The following UBTD2 variants were observed in gnomAD, a reference collection of about 807,000 sequenced individuals.
The protein encoded by UBTD2 is ubiquitin domain containing 2.
A neutral mutation model predicts 19.8 loss-of-function variants in UBTD2; 9 were observed. That is an observed-to-expected ratio of 0.46 (90% CI 0.27 to 0.79). UBTD2 has a LOEUF of 0.79. Ranked by LOEUF, UBTD2 falls within the 30% of genes least tolerant of loss-of-function variation. UBTD2 has a pLI of 0.14. For synonymous variants in UBTD2, 98 were observed against 103.9 expected, an observed-to-expected ratio of 0.94 and a Z score of 0.35; for missense variants, 250 against 300.4, an observed-to-expected ratio of 0.83 and a Z score of 1.24.
intron 1 of UBTD2, among the ~76,000 whole-genome samples, chr5:172,240,936 A>C (rs888145920): frequency 6.6e-6 from 1 of 152,194 alleles, no homozygotes; most frequent in African/African-American, 2.4e-5. Context: ...AAATACATAT[A>C]TATAAATAAA....
chr5:172,261,766 AGGCATGC>A (rs2113098706), intron 1 of UBTD2, among the ~76,000 whole-genome samples: 1 of 152,244 alleles, frequency 6.6e-6, no homozygotes, highest in African/African-American at 2.4e-5. Flanking sequence ...CTGGGATTAC[AGGCATGC>A]GCCTCCACAT....
rs937377870 is a variant in UBTD2, at chr5:172,211,756, C to T, written c.*74G>A. On this transcript the variant is annotated 3_prime_UTR_variant, in exon 3 of 3. Coordinates refer to ENST00000393792, the MANE Select transcript of UBTD2 (RefSeq NM_152277.3). ...TAGAGCAGTGAAATAGATTTCACGC[C>T]GCAGAGTAGGAAATGACAACAAGAA... 1.8e-5 allele frequency: 26 copies of T among 1,458,666 alleles called. No individual in the cohort carries two copies. The highest frequency in any genetic ancestry group is 2.2e-4 in the Middle Eastern group (1 of 4,476). The allele number at this position is 1,458,666 out of a possible 1,614,324, so 90.4% of individuals were successfully genotyped here.
At chr5:172,216,735 A>G (rs1771551607) in intron 2 of UBTD2, among the ~76,000 whole-genome samples, 1 of 151,648 alleles carries the variant, frequency 6.6e-6, no homozygotes, top group African/African-American at 2.4e-5. Context: ...ATGGGCAGAT[A>G]GCTTGAGATA....
In UBTD2 at chr5:172,266,869, C is replaced by G. The variant is rs557681139; in HGVS notation, c.70+16727G>C. Among the ~76,000 whole-genome samples, 3 of 152,058 alleles carry G rather than the reference C, an allele frequency of 2.0e-5. No homozygotes were observed. In the East Asian group the frequency reaches 5.8e-4, roughly 29 times the overall value. ...CCTGGGCAACAAAACAAGACACCAT[C>G]TATACAAAAAAAATTTAGAGATCAG... On this transcript the variant is annotated intron_variant, in intron 1 of 2. Coordinates refer to ENST00000393792, the MANE Select transcript of UBTD2 (RefSeq NM_152277.3).
chr5:172,277,547 A>T (rs1274125813), intron 1 of UBTD2, among the ~76,000 whole-genome samples: 1 of 152,008 alleles, frequency 6.6e-6, no homozygotes, highest in African/African-American at 2.4e-5. Context: ...TCTCTACAAA[A>T]ATTTAAAAAT....
chr5:172,266,375 A>C (rs1202250144), intron 1 of UBTD2, among the ~76,000 whole-genome samples: 2 of 152,204 alleles, frequency 1.3e-5, no homozygotes, highest in Non-Finnish European at 2.9e-5. Context: ...CTTCATAAGC[A>C]ACAGTCAGAT....
intron 1 of UBTD2, among the ~76,000 whole-genome samples, chr5:172,272,538 TA>T (rs1421191848): frequency 6.6e-6 from 1 of 152,214 alleles, no homozygotes; most frequent in East Asian, 1.9e-4. Context: ...CATGTCCGGT[TA>T]ATTTGATTAT....
chr5:172,265,584 C>T (rs920134684), intron 1 of UBTD2, among the ~76,000 whole-genome samples: 1 of 152,184 alleles, frequency 6.6e-6, no homozygotes, highest in African/African-American at 2.4e-5. Flanking sequence ...CCGCCTCGGC[C>T]TCCCAAAGTG....
rs934910735 is a variant in UBTD2 at position 172,283,041 on chromosome 5, C to T, written c.70+555G>A. ...CCACCCCTCCTTAATACAATGCCTG[C>T]GGCCACTGGAGACTCCTCCAGCCGA... On this transcript the variant is annotated intron_variant, in intron 1 of 2. Transcript: ENST00000393792. This position sits in a 1 kb window ranked among gnomAD's most constrained non-coding sequence, Gnocchi z 4.3. 4.6e-5 allele frequency among the ~76,000 whole-genome samples: 7 copies of T among 152,112 alleles called. No individual in the cohort carries two copies. The highest frequency in any genetic ancestry group is 4.6e-4 in the Admixed American group (7 of 15,268).
At chr5:172,277,682 G>T (rs976169098) in intron 1 of UBTD2, among the ~76,000 whole-genome samples, 1 of 151,780 alleles carries the variant, frequency 6.6e-6, no homozygotes, top group African/African-American at 2.4e-5. Flanking sequence ...CTCCATCATG[G>T]GTAACAGAGC....
intron 1 of UBTD2, among the ~76,000 whole-genome samples, chr5:172,261,094 C>G (rs898118779): frequency 6.6e-6 from 1 of 152,182 alleles, no homozygotes; most frequent in Non-Finnish European, 1.5e-5. Context: ...TAATGAAACT[C>G]TGTATTACAG....
Position 172,276,165 on chromosome 5 carries a change from G to A in UBTD2, c.70+7431C>T, listed in dbSNP as rs79976767. Among the ~76,000 whole-genome samples, 654 of 152,278 alleles carry A rather than the reference G, an allele frequency of 4.3e-3. 7 individuals carry two copies. Among genetic ancestry groups the A allele is most frequent in the African/African-American group, 0.015 (606 of 41,568 alleles). On this transcript the variant is annotated intron_variant, in intron 1 of 2. Coordinates refer to ENST00000393792, the MANE Select transcript of UBTD2 (RefSeq NM_152277.3). The stretch of plus-strand genomic sequence containing the variant: ...TGCTGCTCCAGAGACAAAACTTTCT[G>A]AGCAGCAAAATACTAGACTGTAAAT...
chr5:172,274,135 C>CTTTTTTTTTTTTTT (rs555392614), intron 1 of UBTD2, among the ~76,000 whole-genome samples: 3 of 108,648 alleles, frequency 2.8e-5, no homozygotes, highest in Non-Finnish European at 5.4e-5. Flanking sequence ...TTTTGCTTTA[C>CTTTTTTTTTTTTTT]TTTTTTTTTT....
In UBTD2 at chr5:172,280,882, T is replaced by C. The variant is rs190173311; in HGVS notation, c.70+2714A>G. Among the ~76,000 whole-genome samples the C allele has an allele frequency of 9.8e-5, 15 of 152,322 alleles. No individual in the cohort carries two copies. The East Asian group carries it at 2.9e-3, about 29-fold the overall frequency. ...AGAATACACCTAATAAGGAAGGTTT[T>C]ATTGATATACACATAATTACTTGCA... On this transcript the variant is annotated intron_variant, in intron 1 of 2. Transcript: ENST00000393792.
chr5:172,214,075 G>A (rs1481115398), intron 2 of UBTD2, among the ~76,000 whole-genome samples: 5 of 152,208 alleles, frequency 3.3e-5, no homozygotes, highest in African/African-American at 4.8e-5. Flanking sequence ...GTGAGCCACC[G>A]TGCCTGGCCA....
chr5:172,258,257 T>C (rs775314811), intron 1 of UBTD2, among the ~76,000 whole-genome samples: 1 of 152,098 alleles, frequency 6.6e-6, no homozygotes, highest in East Asian at 1.9e-4. Flanking sequence ...GAATAGGGAG[T>C]CCTTTCCCCA....
At chr5:172,279,833 A>G (rs1264511988) in intron 1 of UBTD2, among the ~76,000 whole-genome samples, 1 of 152,224 alleles carries the variant, frequency 6.6e-6, no homozygotes, top group Non-Finnish European at 1.5e-5. Context: ...ACGGCGGAGA[A>G]CCATACAGAA....
intron 1 of UBTD2, among the ~76,000 whole-genome samples, chr5:172,282,666 C>G (rs6893726): frequency 6.6e-6 from 1 of 152,120 alleles, no homozygotes; most frequent in South Asian, 2.1e-4. Context: ...GGCTGTTTAT[C>G]ACTAAAATAT....
At chr5:172,224,419 C>A (rs999914195) in intron 2 of UBTD2, among the ~76,000 whole-genome samples, 3 of 151,362 alleles carry the variant, frequency 2.0e-5, no homozygotes, top group Non-Finnish European at 2.9e-5. Flanking sequence ...CAGCCTCAGG[C>A]TCCTGAGATT....
Sources: allele counts gnomAD v4.1 joint callset (sites outside exome capture counted in the v4.1 genomes callset), GRCh38; gene constraint gnomAD v4.1.1; non-coding constraint Gnocchi (gnomAD v3.1); transcripts MANE v1.5; gene names NCBI Gene and HGNC (gene_info 2026-07-23, HGNC 2026-07-21).